The following SCRN1 variants were observed in gnomAD, a reference collection of about 807,000 sequenced individuals.
SCRN1 encodes secernin-1.
In SCRN1, 19 loss-of-function variants were observed where a neutral mutation model predicts 43.3. That is an observed-to-expected ratio of 0.44 (90% CI 0.31 to 0.64). The LOEUF (loss-of-function observed/expected upper bound fraction) is 0.64, where lower values mean the gene tolerates loss of function less well. Ranked by LOEUF, SCRN1 falls within the 30% of genes least tolerant of loss-of-function variation. The pLI is 0.09. For missense variants in SCRN1, 447 were observed against 524.1 expected, an observed-to-expected ratio of 0.85 and a Z score of 1.44; for synonymous variants, 183 against 188.9, an observed-to-expected ratio of 0.97 and a Z score of 0.26.
In SCRN1 at chr7:29,965,264, A is replaced by G. The variant is rs933644255; in HGVS notation, c.159+3645T>C. The stretch of plus-strand genomic sequence containing the variant: ...CTGTAAACAAAACGAAACACTTTTC[A>G]GCAAGGGAGTGGTAGAGCTATCTAT... On this transcript the variant is annotated intron_variant, in intron 2 of 7. Coordinates refer to ENST00000242059, the MANE Select transcript of SCRN1 (RefSeq NM_014766.5). This position sits in a 1 kb window ranked among gnomAD's most constrained non-coding sequence, Gnocchi z 4.2. Among the ~76,000 whole-genome samples, 1 of 152,208 alleles carries G rather than the reference A, an allele frequency of 6.6e-6. No individual in the cohort carries two copies. Among genetic ancestry groups the G allele is most frequent in the Non-Finnish European group, 1.5e-5 (1 of 68,024 alleles).
At chr7:29,966,280 C>G (rs1341562425) in intron 2 of SCRN1, among the ~76,000 whole-genome samples, 1 of 151,876 alleles carries the variant, frequency 6.6e-6, no homozygotes, top group African/African-American at 2.4e-5. Flanking sequence ...TCAGAGCAAT[C>G]ACAAGCCCTC....
intron 6 of SCRN1, among the ~76,000 whole-genome samples, chr7:29,935,300 C>T (rs1787288155): frequency 6.6e-6 from 1 of 152,170 alleles, no homozygotes; most frequent in Non-Finnish European, 1.5e-5. Flanking sequence ...TCACTTTTCC[C>T]CTGAGTCATC....
At chr7:29,929,295 T>C (rs1583649482) in intron 6 of SCRN1, among the ~76,000 whole-genome samples, 1 of 152,256 alleles carries the variant, frequency 6.6e-6, no homozygotes, top group East Asian at 1.9e-4. Flanking sequence ...GCTGGTAGGC[T>C]TCACGGTGGA....
chr7:29,949,306 C>G (rs1787838634), intron 3 of SCRN1, among the ~76,000 whole-genome samples: 1 of 139,538 alleles, frequency 7.2e-6, no homozygotes, highest in East Asian at 2.1e-4. Context: ...CAGAGCAAGA[C>G]TCCGTCTAAA....
chr7:29,952,749 G>T (rs1416081024), intron 3 of SCRN1, among the ~76,000 whole-genome samples: 1 of 151,898 alleles, frequency 6.6e-6, no homozygotes, highest in African/African-American at 2.4e-5. Flanking sequence ...TTAGGATTTG[G>T]TTGGTATGAA....
At chr7:29,938,089 C>T (rs1470763421) in intron 5 of SCRN1, among the ~76,000 whole-genome samples, 2 of 151,922 alleles carry the variant, frequency 1.3e-5, no homozygotes, top group African/African-American at 4.8e-5. Flanking sequence ...AGTGCAGTGG[C>T]GCAATCTTGG....
Position 29,950,219 on chromosome 7 carries a change from T to A in SCRN1, c.341+4960A>T, listed in dbSNP as rs1044114666. Among the ~76,000 whole-genome samples the A allele has an allele frequency of 6.6e-6, 1 of 152,206 alleles. No individual in the cohort carries two copies. Among genetic ancestry groups the A allele is most frequent in the African/African-American group, 2.4e-5 (1 of 41,458 alleles). On this transcript the variant is annotated intron_variant, in intron 3 of 7. Coordinates refer to ENST00000242059, the MANE Select transcript of SCRN1 (RefSeq NM_014766.5). This position sits in a 1 kb window ranked among gnomAD's most constrained non-coding sequence, Gnocchi z 4.5. ...TCCCGCTTCCCAGCACCTGCTCCAGTGCAGAGCAAAGTTGTGGCTGAGCCC... is the reference window on the plus strand; with the variant it reads ...TCCCGCTTCCCAGCACCTGCTCCAGAGCAGAGCAAAGTTGTGGCTGAGCCC...
chr7:29,938,417 G>A (rs1174343669), intron 5 of SCRN1, among the ~76,000 whole-genome samples: 1 of 152,208 alleles, frequency 6.6e-6, no homozygotes, highest in Non-Finnish European at 1.5e-5. Flanking sequence ...GGCATTATTT[G>A]TTGGGAACAG....
At chr7:29,969,348 G>A (rs558606217) in intron 1 of SCRN1, 2 of 435,470 alleles carry the variant, frequency 4.6e-6, no homozygotes, top group South Asian at 2.8e-5. Flanking sequence ...TGGGAGAAAG[G>A]AAAGGAGGTT....
upstream of SCRN1, chr7:29,990,180 A>C: frequency 6.4e-7 from 1 of 1,551,618 alleles, no homozygotes; most frequent in Non-Finnish European, 8.7e-7. Context: ...TGTGTCCTGT[A>C]CCTTGTTGAC....
chr7:29,979,510 T>C (rs545358744), intron 1 of SCRN1, among the ~76,000 whole-genome samples: 60 of 152,342 alleles, frequency 3.9e-4, no homozygotes, highest in Non-Finnish European at 6.8e-4. Flanking sequence ...AATCCTTACA[T>C]AGTTGAAAAA....
intron 6 of SCRN1, among the ~76,000 whole-genome samples, chr7:29,930,457 C>A (rs541981490): frequency 6.6e-6 from 1 of 152,188 alleles, no homozygotes. Flanking sequence ...AAGCCACAGA[C>A]GGTAGCTTCT....
chr7:29,942,756 C>T (rs1171505633), intron 4 of SCRN1, among the ~76,000 whole-genome samples: 3 of 152,180 alleles, frequency 2.0e-5, no homozygotes, highest in Non-Finnish European at 4.4e-5. Flanking sequence ...ACGGACACCA[C>T]TAGCCCATTC....
chr7:29,932,743 T>C (rs1391808135), intron 6 of SCRN1, among the ~76,000 whole-genome samples: 1 of 135,632 alleles, frequency 7.4e-6, no homozygotes, highest in Non-Finnish European at 1.6e-5. Flanking sequence ...AATAAGGAGG[T>C]GGGGTAGAGG....
chr7:29,954,237 A>G (rs940945148), intron 3 of SCRN1, among the ~76,000 whole-genome samples: 1 of 152,038 alleles, frequency 6.6e-6, no homozygotes, highest in African/African-American at 2.4e-5. Context: ...GGGAGAGGGG[A>G]AAAAGGAAGA....
intron 1 of SCRN1, among the ~76,000 whole-genome samples, chr7:29,986,717 ATTTTTTTTTTTTT>A (rs553845779): frequency 2.0e-5 from 2 of 99,852 alleles, no homozygotes; most frequent in Non-Finnish European, 3.8e-5. Flanking sequence ...AATTTTTTTA[ATTTTTTTTTTTTT>A]TTTTTTTTTT....
intron 6 of SCRN1, among the ~76,000 whole-genome samples, chr7:29,929,171 G>C (rs1022039525): frequency 1.3e-5 from 2 of 152,230 alleles, no homozygotes; most frequent in African/African-American, 4.8e-5. Context: ...ACCCTTCAGT[G>C]GTAGACAGGC....
rs764870475 is a variant in SCRN1, at chr7:29,923,932, A to G, written c.*25T>C. 1 of 1,584,040 alleles carries G rather than the reference A, an allele frequency of 6.3e-7. No homozygotes were observed. Among genetic ancestry groups the G allele is most frequent in the Non-Finnish European group, 8.6e-7 (1 of 1,164,860 alleles). The stretch of plus-strand genomic sequence containing the variant: ...TTTAGTAAGGTGGGAAGTCTTAAAT[A>G]AGAAGGGGAAAGGGAACGCTTACTT... On this transcript the variant is annotated 3_prime_UTR_variant, in exon 8 of 8. Coordinates refer to ENST00000242059, the MANE Select transcript of SCRN1 (RefSeq NM_014766.5).
Position 29,921,671 on chromosome 7 carries a change from G to A in SCRN1, c.*2286C>T, listed in dbSNP as rs886253909. 1.3e-5 allele frequency: 2 copies of A among 152,230 alleles called. No individual in the cohort carries two copies. The highest frequency in any genetic ancestry group is 4.8e-5 in the African/African-American group (2 of 41,464). 9.4% of individuals were successfully genotyped at this position (152,230 alleles called of 1,614,324 possible). On this transcript the variant is annotated 3_prime_UTR_variant, in exon 8 of 8. Transcript: ENST00000242059. ...GTGGTGCAGAGTATTAGCCAAGACAGCTCTCAATTAGGGTTGCCTTCTTTA... is the reference window on the plus strand; with the variant it reads ...GTGGTGCAGAGTATTAGCCAAGACAACTCTCAATTAGGGTTGCCTTCTTTA...
Sources: allele counts gnomAD v4.1 joint callset (sites outside exome capture counted in the v4.1 genomes callset), GRCh38; gene constraint gnomAD v4.1.1; non-coding constraint Gnocchi (gnomAD v3.1); transcripts MANE v1.5; gene names NCBI Gene and HGNC (gene_info 2026-07-23, HGNC 2026-07-21).